The following COPE variants were observed in gnomAD, a reference collection of about 807,000 sequenced individuals.
COPE encodes the protein coatomer subunit epsilon.
A neutral mutation model predicts 42.1 loss-of-function variants in COPE; 19 were observed. That is an observed-to-expected ratio of 0.45 (90% CI 0.31 to 0.66). The LOEUF (loss-of-function observed/expected upper bound fraction) is 0.66, where lower values mean the gene tolerates loss of function less well. COPE is among the 30% of genes least tolerant of loss of function. COPE has a pLI of 0.05. For missense variants in COPE, 402 were observed against 416.1 expected, an observed-to-expected ratio of 0.97 and a Z score of 0.30; for synonymous variants, 195 against 181.3, an observed-to-expected ratio of 1.08 and a Z score of -0.60.
intron 1 of COPE, 40 bp from the exon 2 acceptor site, chr19:18,913,086 C>T (rs2056825638): frequency 6.4e-7 from 1 of 1,553,714 alleles, no homozygotes; most frequent in Non-Finnish European, 8.8e-7. Flanking sequence ...CAGTGGGAGG[C>T]CCAGCGCAGC....
rs766033022 is a variant in COPE at position 18,911,031 on chromosome 19, G to A, written c.230C>T (p.Ser77Leu). Residue 77 changes from serine to leucine, a missense_variant, in exon 3 of 10, where the codon TCG becomes TTG. Transcript: ENST00000262812. ...GCGCACGGCCTGGAGCTCAGGGGCC[G>A]AGGAGGGCTTGATCTCATCCAGGAC... is the stretch of plus-strand genomic sequence containing the variant. ...GVVLDEIKPS[S>L]APELQAVRMF... The A allele has an allele frequency of 2.5e-5, 41 of 1,614,000 alleles. No individual in the cohort carries two copies. The highest frequency in any genetic ancestry group is 1.9e-4 in the African/African-American group (14 of 75,038).
chr19:18,908,580 G>T (rs1416823017), intron 3 of COPE, among the ~76,000 whole-genome samples: 4 of 150,440 alleles, frequency 2.7e-5, no homozygotes, highest in African/African-American at 9.8e-5. Flanking sequence ...GCAGTGGTGC[G>T]ATCTTGGCTC....
At chr19:18,915,716 T>C (rs1202109002) in intron 1 of COPE, among the ~76,000 whole-genome samples, 3 of 152,190 alleles carry the variant, frequency 2.0e-5, no homozygotes, top group Non-Finnish European at 4.4e-5. Flanking sequence ...ATGGGGGCCC[T>C]GTAGCCAGAA....
At chr19:18,909,611 C>T (rs536194861) in intron 3 of COPE, among the ~76,000 whole-genome samples, 1 of 151,612 alleles carries the variant, frequency 6.6e-6, no homozygotes, top group African/African-American at 2.4e-5. Context: ...CTCTGCCTGC[C>T]AGGTTCAAGC....
chr19:18,904,404 A>G (rs767140215), intron 6 of COPE, among the ~76,000 whole-genome samples: 15 of 152,188 alleles, frequency 9.9e-5, no homozygotes, highest in African/African-American at 1.4e-4. Context: ...CTATGGGAAC[A>G]CTGAACTCCG....
chr19:18,910,774 G>A, intron 3 of COPE, 197 bp downstream of exon 3: 1 of 604,166 alleles, frequency 1.7e-6, no homozygotes, highest in Non-Finnish European at 3.0e-6. Flanking sequence ...CTTTGAAGCA[G>A]GATCCATCAC....
At chr19:18,916,537 C>T (rs1367024578) in intron 1 of COPE, among the ~76,000 whole-genome samples, 1 of 152,128 alleles carries the variant, frequency 6.6e-6, no homozygotes, top group African/African-American at 2.4e-5. Context: ...TGCCTATAAT[C>T]CCAGCACTTT....
rs2056679634 is a variant in COPE, at chr19:18,899,870, C to G, written c.879+3G>C. The G allele has an allele frequency of 6.2e-7, 1 of 1,613,214 alleles. No individual in the cohort carries two copies. The highest frequency in any genetic ancestry group is 8.5e-7 in the Non-Finnish European group (1 of 1,179,612). ...TCGGGGACAGGCCATCCCCACCACT[C>G]ACCTTGGCCTGGTACTCCTTGATGA... On this transcript the variant is annotated splice_donor_region_variant and intron_variant, in intron 9 of 9. Transcript: ENST00000262812.
Position 18,907,004 on chromosome 19 carries a change from C to T in COPE, c.399G>A (p.Pro133=), listed in dbSNP as rs144263715. ...AASIYLHDQN[P]DAALRALHQG... ...GGTGCAGCGCACGCAGGGCGGCATC[C>T]GGGTTCTGGTCGTGGAGATAGATGG... The change falls in exon 4 of 10, where the codon CCG becomes CCA. Residue 133 remains proline, a synonymous_variant. Coordinates refer to ENST00000262812, the MANE Select transcript of COPE (RefSeq NM_007263.4). The T allele has an allele frequency of 1.3e-5, 20 of 1,587,574 alleles. No individual in the cohort carries two copies. Among genetic ancestry groups the T allele is most frequent in the South Asian group, 9.1e-5 (8 of 87,498 alleles).
intron 4 of COPE, among the ~76,000 whole-genome samples, chr19:18,906,412 G>T (rs1035284599): frequency 6.6e-6 from 1 of 152,252 alleles, no homozygotes; most frequent in East Asian, 1.9e-4. Context: ...GATCCACAGC[G>T]ACCATGAAAT....
Position 18,902,825 on chromosome 19 carries a change from G to GAAGA in COPE, c.735+439_735+442dup, listed in dbSNP as rs1555709230. ...GGAAGGAAGGAAGGAAGGAAGGAAGGAAGAAAAGACTGCAGACATCAGGCA... is the reference window on the plus strand; with the variant it reads ...GGAAGGAAGGAAGGAAGGAAGGAAGGAAGAAAGAAAAGACTGCAGACATCAGGCA... On this transcript the variant is annotated intron_variant, in intron 7 of 9. Transcript: ENST00000262812. Among the ~76,000 whole-genome samples, 8 of 28,604 alleles carry GAAGA rather than the reference G, an allele frequency of 2.8e-4. 2 individuals carry two copies. Among genetic ancestry groups the GAAGA allele is most frequent in the African/African-American group, 1.2e-3 (4 of 3,336 alleles). 18.8% of individuals were successfully genotyped at this position (28,604 alleles called of 152,430 possible).
At chr19:18,912,834 G>A (rs2056822722) in intron 2 of COPE, 150 bp downstream of exon 2, 2 of 679,000 alleles carry the variant, frequency 2.9e-6, no homozygotes, top group South Asian at 3.6e-5. Context: ...CATGCTGGCT[G>A]CGCTGGCTGT....
At position 18,919,136 on chromosome 19, in the gene COPE, T is replaced by A. The variant is rs1438980545; in HGVS notation, c.126+87A>T. The stretch of plus-strand genomic sequence containing the variant: ...AAAAACGCGAGAAGAAAAGAGAAAG[T>A]TTTTAGACGCAGAACGCGGCTCGCG... On this transcript the variant is annotated intron_variant, in intron 1 of 9. Coordinates refer to ENST00000262812, the MANE Select transcript of COPE (RefSeq NM_007263.4). The A allele has an allele frequency of 2.7e-6, 4 of 1,458,834 alleles. No homozygotes were observed. In the South Asian group the frequency reaches 3.6e-5, roughly 13 times the overall value. 90.4% of individuals were successfully genotyped at this position (1,458,834 alleles called of 1,614,324 possible). A position where few individuals can be genotyped will look rare whatever the true frequency, so the allele number is the denominator to read the frequency against.
At chr19:18,914,630 A>T (rs2056838508) in intron 1 of COPE, among the ~76,000 whole-genome samples, 1 of 151,796 alleles carries the variant, frequency 6.6e-6, no homozygotes, top group Non-Finnish European at 1.5e-5. Flanking sequence ...ACCCTCAGTT[A>T]AAAAAGACAG....
At chr19:18,901,454 T>G (rs2056697868) in intron 7 of COPE, among the ~76,000 whole-genome samples, 1 of 152,200 alleles carries the variant, frequency 6.6e-6, no homozygotes, top group South Asian at 2.1e-4. Context: ...AGTTCCTGAC[T>G]AGCCCTGACT....
At chr19:18,906,378 G>A (rs1236529121) in intron 4 of COPE, 1 of 168,744 alleles carries the variant, frequency 5.9e-6, no homozygotes, top group African/African-American at 2.4e-5. Context: ...TAAGCCCTCT[G>A]TGGATGGAGG....
chr19:18,910,983 TG>T lies in COPE; in HGVS notation c.277del (p.His93ThrfsTer16), dbSNP rs1215699233. ...TCTGGGGCCTCACCTCCGACTCTCG[TG>T]GGCGAGGTAGTCAGCAAACATGCGC... ...AVRMFADYLAHESRRDSIVAE... is the reference protein window; with the variant it reads ...AVRMFADYLAXESRRDSIVAE... On this transcript the variant is annotated frameshift_variant, in exon 3 of 10. Coordinates refer to ENST00000262812, the MANE Select transcript of COPE (RefSeq NM_007263.4). LOFTEE classifies it high-confidence loss of function. 6.2e-7 allele frequency: 1 copy of T among 1,613,774 alleles called. No individual in the cohort carries two copies. The highest frequency in any genetic ancestry group is 2.2e-5 in the East Asian group (1 of 44,876).
chr19:18,917,961 C>T (rs1045468022), intron 1 of COPE, among the ~76,000 whole-genome samples: 1 of 151,622 alleles, frequency 6.6e-6, no homozygotes, highest in African/African-American at 2.4e-5. Flanking sequence ...TAGGCCAAGG[C>T]GGGCAGATCA....
intron 3 of COPE, chr19:18,910,619 C>G (rs1021712978): frequency 4.1e-5 from 10 of 246,872 alleles, no homozygotes; most frequent in Non-Finnish European, 8.1e-5. Flanking sequence ...TGGGAGGGCC[C>G]TGCCCCCGCT....
Sources: gnomAD v4.1 joint callset for allele counts (sites outside exome capture counted in the v4.1 genomes callset) on GRCh38, gnomAD v4.1.1 for gene constraint, MANE v1.5 for transcripts, NCBI Gene and HGNC (gene_info 2026-07-23, HGNC 2026-07-21) for gene names.